The following RIMS2 variants were observed in gnomAD, a reference collection of about 807,000 sequenced individuals.
RIMS2 encodes the protein regulating synaptic membrane exocytosis 2.
In RIMS2, 59 loss-of-function variants were observed where a neutral mutation model predicts 174.4. The observed-to-expected ratio is 0.34, with a 90% confidence interval of 0.27 to 0.42. The LOEUF is 0.42. Among genes scored for constraint, RIMS2 ranks in the 10% least tolerant of loss-of-function variants. The pLI is 1.00. For missense variants in RIMS2, 1,620 were observed against 1,666.3 expected (o/e 0.97, Z 0.48); for synonymous variants, 606 against 572.5 (o/e 1.06, Z -0.84).
At chr8:104,095,362 T>C (rs2130507076) in intron 19 of RIMS2, among the ~76,000 whole-genome samples, 1 of 152,252 alleles carries the variant, frequency 6.6e-6, no homozygotes, top group East Asian at 1.9e-4. Flanking sequence ...AAAGAAAGAA[T>C]AGATGCCTTA....
At chr8:104,100,858 A>G in intron 19 of RIMS2, among the ~76,000 whole-genome samples, 1 of 140,598 alleles carries the variant, frequency 7.1e-6, no homozygotes, top group South Asian at 2.1e-4. Context: ...TTATATATGT[A>G]ATATATATTA....
chr8:103,735,836 C>A (rs2097678769), intron 2 of RIMS2, among the ~76,000 whole-genome samples: 1 of 152,112 alleles, frequency 6.6e-6, no homozygotes, highest in Admixed American at 6.6e-5. Context: ...CAGAGACATA[C>A]TTCCTTGTGC....
chr8:103,906,720 C>T (rs961531136), intron 4 of RIMS2, among the ~76,000 whole-genome samples: 1 of 151,430 alleles, frequency 6.6e-6, no homozygotes, highest in African/African-American at 2.4e-5. Flanking sequence ...TCACACAAAC[C>T]AGTTAAGAAT....
intron 19 of RIMS2, among the ~76,000 whole-genome samples, chr8:104,162,090 G>T (rs1317211216): frequency 4.6e-5 from 7 of 152,142 alleles, no homozygotes; most frequent in Non-Finnish European, 7.3e-5. Context: ...AATTACATTT[G>T]AAAAGGTCCT....
chr8:104,117,315 T>C (rs182498275), intron 19 of RIMS2, among the ~76,000 whole-genome samples: 2 of 152,336 alleles, frequency 1.3e-5, no homozygotes, highest in Admixed American at 1.3e-4. Flanking sequence ...ATCTAATGTA[T>C]TCACACAGGA....
chr8:104,016,124 A>G (rs551105200), intron 19 of RIMS2, among the ~76,000 whole-genome samples: 1 of 152,176 alleles, frequency 6.6e-6, no homozygotes, highest in Admixed American at 6.5e-5. Context: ...TCTGAAATTA[A>G]CTTTGTATCT....
chr8:103,717,138 CTTTTTTTT>C (rs11373218), intron 2 of RIMS2, among the ~76,000 whole-genome samples: 1 of 113,106 alleles, frequency 8.8e-6, no homozygotes, highest in African/African-American at 3.3e-5. Context: ...ATAGTGCCTT[CTTTTTTTT>C]TTTTTTTTTT....
intron 14 of RIMS2, among the ~76,000 whole-genome samples, chr8:103,951,887 T>C (rs1246055765): frequency 6.6e-6 from 1 of 152,152 alleles, no homozygotes; most frequent in East Asian, 1.9e-4. Context: ...GCAGTCTGAG[T>C]TCTACCTGGG....
intron 19 of RIMS2, among the ~76,000 whole-genome samples, chr8:104,138,083 C>G (rs956450823): frequency 6.6e-6 from 1 of 152,116 alleles, no homozygotes; most frequent in Non-Finnish European, 1.5e-5. Flanking sequence ...CTTAACATAA[C>G]GTCCTCCAGT....
At chr8:103,927,211 C>G (rs1301998721) in intron 10 of RIMS2, among the ~76,000 whole-genome samples, 1 of 151,468 alleles carries the variant, frequency 6.6e-6, no homozygotes, top group Non-Finnish European at 1.5e-5. Context: ...TAATAAATAT[C>G]TGATGATGGT....
chr8:104,183,494 T>C (rs1429383491), intron 19 of RIMS2, among the ~76,000 whole-genome samples: 1 of 151,584 alleles, frequency 6.6e-6, no homozygotes, highest in Non-Finnish European at 1.5e-5. Context: ...AGATTGACAT[T>C]CAAACTAGAC....
intron 19 of RIMS2, among the ~76,000 whole-genome samples, chr8:104,097,716 G>A (rs991958654): frequency 1.3e-5 from 2 of 152,046 alleles, no homozygotes; most frequent in African/African-American, 4.8e-5. Context: ...TTGGATTTTG[G>A]AGCAGTTAGG....
chr8:104,208,565 C>CT, intron 19 of RIMS2, among the ~76,000 whole-genome samples: 1 of 114,232 alleles, frequency 8.8e-6, no homozygotes, highest in South Asian at 2.5e-4. Flanking sequence ...GAGACTCCAT[C>CT]TCAAAAAAAA....
At chr8:103,995,128 T>G (rs577205656) in intron 17 of RIMS2, among the ~76,000 whole-genome samples, 67 of 152,212 alleles carry the variant, frequency 4.4e-4, no homozygotes, top group Non-Finnish European at 6.9e-4. Flanking sequence ...CTGTTTATGT[T>G]TCTAGAATGT....
At chr8:104,021,472 G>A (rs1000399672) in intron 19 of RIMS2, among the ~76,000 whole-genome samples, 17 of 151,938 alleles carry the variant, frequency 1.1e-4, no homozygotes, top group African/African-American at 4.1e-4. Context: ...AATATATGTC[G>A]GCAATCTGAA....
intron 19 of RIMS2, among the ~76,000 whole-genome samples, chr8:104,122,353 C>T (rs1015942473): frequency 1.3e-4 from 19 of 151,976 alleles, no homozygotes; most frequent in African/African-American, 3.4e-4. Context: ...GGTAGGAGTT[C>T]GTTTTTACCT....
chr8:104,009,400 C>T lies in RIMS2; in HGVS notation c.3045-4042C>T, dbSNP rs538099510. 3.3e-5 allele frequency among the ~76,000 whole-genome samples: 5 copies of T among 151,942 alleles called. No individual in the cohort carries two copies. In the South Asian group the frequency reaches 1.0e-3, roughly 31 times the overall value. ...CCTCGACCTCCTGAGCTCAAGCAAT[C>T]CTCCCACTTTAGCCTCCTGAACAAC... On this transcript the variant is annotated intron_variant, in intron 17 of 23. Transcript: ENST00000504942.
chr8:104,050,355 T>C (rs2096765679), intron 19 of RIMS2, among the ~76,000 whole-genome samples: 1 of 152,106 alleles, frequency 6.6e-6, no homozygotes, highest in South Asian at 2.1e-4. Context: ...CCCTAAAACG[T>C]TAAACTTAGT....
intron 19 of RIMS2, among the ~76,000 whole-genome samples, chr8:104,042,781 T>C (rs1255922764): frequency 1.3e-5 from 2 of 151,592 alleles, no homozygotes; most frequent in Admixed American, 1.3e-4. Context: ...TGATTGGTGG[T>C]CTGGAATTCA....
Sources: allele counts gnomAD v4.1 joint callset (sites outside exome capture counted in the v4.1 genomes callset), GRCh38; gene constraint gnomAD v4.1.1; transcripts MANE v1.5; gene names NCBI Gene and HGNC (gene_info 2026-07-23, HGNC 2026-07-21).